PSD3: variants seen among roughly 807,000 people sequenced by gnomAD.
PSD3 encodes the protein PH and SEC7 domain-containing protein 3.
A neutral mutation model predicts 105.5 loss-of-function variants in PSD3; 49 were observed. That is an observed-to-expected ratio of 0.46 (90% CI 0.37 to 0.59). PSD3 has a LOEUF of 0.59. Ranked by LOEUF, PSD3 falls within the 20% of genes least tolerant of loss-of-function variation. PSD3 has a pLI of 0.00. For synonymous variants in PSD3, 557 were observed against 457.8 expected, an observed-to-expected ratio of 1.22 and a Z score of -2.77; for missense variants, 1,561 against 1,263.8, an observed-to-expected ratio of 1.24 and a Z score of -3.57.
At chr8:18,949,878 T>C (rs1177777659) in intron 1 of PSD3, among the ~76,000 whole-genome samples, 7 of 152,198 alleles carry the variant, frequency 4.6e-5, no homozygotes, top group African/African-American at 1.7e-4. Flanking sequence ...TTTTTCATCA[T>C]ATTTTAAATT....
At chr8:18,836,762 T>G (rs943992623) in intron 4 of PSD3, among the ~76,000 whole-genome samples, 3 of 152,108 alleles carry the variant, frequency 2.0e-5, no homozygotes, top group African/African-American at 7.2e-5. Flanking sequence ...TGACAATAAT[T>G]GTTTTTCTGC....
At chr8:18,849,078 G>A (rs1027949434) in intron 4 of PSD3, among the ~76,000 whole-genome samples, 3 of 152,092 alleles carry the variant, frequency 2.0e-5, no homozygotes, top group Non-Finnish European at 4.4e-5. Context: ...TGGCCATATC[G>A]CTGCCTCCAG....
At chr8:18,779,821 C>T (rs1376291710) in intron 8 of PSD3, among the ~76,000 whole-genome samples, 2 of 152,088 alleles carry the variant, frequency 1.3e-5, no homozygotes, top group East Asian at 1.9e-4. Flanking sequence ...TTTTTTTAAT[C>T]GTTGAGACTA....
chr8:18,805,786 T>C (rs1237281911), intron 4 of PSD3, among the ~76,000 whole-genome samples: 1 of 152,170 alleles, frequency 6.6e-6, no homozygotes, highest in Non-Finnish European at 1.5e-5. Flanking sequence ...TGCCAAACCT[T>C]TGCGGGCAGA....
intron 9 of PSD3, among the ~76,000 whole-genome samples, chr8:18,723,766 A>T (rs1014014417): frequency 6.6e-6 from 1 of 152,272 alleles, no homozygotes; most frequent in African/African-American, 2.4e-5. Context: ...AGCCAAGTAC[A>T]TAAAAATAAA....
chr8:18,871,795 T>C lies in PSD3; in HGVS notation c.1069A>G (p.Thr357Ala). Residue 357 changes from threonine (T) to alanine (A), a missense_variant, in exon 3 of 16, where the codon ACT (threonine) becomes GCT (alanine). Physicochemically the swap from Thr to Ala is moderately conservative, Grantham distance 58. Coordinates refer to ENST00000327040, the MANE Select transcript of PSD3 (RefSeq NM_015310.4). ...CAGGATTCATCCCAAACATTCTCAGTTAAACTACTTGAATTACACAAACCA... is the reference window on the plus strand; with the variant it reads ...CAGGATTCATCCCAAACATTCTCAGCTAAACTACTTGAATTACACAAACCA... ...SAGLCNSSSL[T>A]ENVWDESWKA... is the part of the protein sequence containing the mutation. 6.2e-7 allele frequency: 1 copy of C among 1,614,158 alleles called. No individual in the cohort carries two copies. The highest frequency in any genetic ancestry group is 8.5e-7 in the Non-Finnish European group (1 of 1,180,012).
chr8:18,913,606 G>A (rs749921147), intron 2 of PSD3, among the ~76,000 whole-genome samples: 35 of 151,854 alleles, frequency 2.3e-4, no homozygotes, highest in Non-Finnish European at 4.6e-4. Flanking sequence ...CACACAAGCT[G>A]CCACGAACCC....
intron 15 of PSD3, among the ~76,000 whole-genome samples, chr8:18,550,791 C>T (rs567316086): frequency 6.6e-5 from 10 of 151,912 alleles, no homozygotes; most frequent in African/African-American, 9.7e-5. Context: ...TAGTATCCCA[C>T]GAAAAAAAGA....
At chr8:18,956,924 T>A (rs1439197132) in intron 1 of PSD3, among the ~76,000 whole-genome samples, 1 of 152,122 alleles carries the variant, frequency 6.6e-6, no homozygotes, top group Non-Finnish European at 1.5e-5. Context: ...GGACTCCAGT[T>A]GGGGATCCTG....
At chr8:19,006,294 CAAAAAAAAAAAA>C (rs58023537) in intron 1 of PSD3, among the ~76,000 whole-genome samples, 8 of 80,826 alleles carry the variant, frequency 9.9e-5, no homozygotes, top group Admixed American at 3.0e-4. Flanking sequence ...AACTCCATCT[CAAAAAAAAAAAA>C]AAAAAAAGAA....
intron 1 of PSD3, among the ~76,000 whole-genome samples, chr8:18,957,808 C>T (rs561306453): frequency 6.6e-6 from 1 of 152,130 alleles, no homozygotes; most frequent in Non-Finnish European, 1.5e-5. Context: ...AATGAATGCA[C>T]TTGTGGGTGG....
chr8:19,044,602 T>C (rs935688452), intron 1 of PSD3, among the ~76,000 whole-genome samples: 17 of 152,232 alleles, frequency 1.1e-4, no homozygotes, highest in African/African-American at 3.4e-4. Flanking sequence ...AGTCATTCCA[T>C]AGTCCTTAAT....
chr8:19,000,464 ACT>A (rs1826313959), intron 1 of PSD3: 1 of 151,394 alleles, frequency 6.6e-6, no homozygotes, highest in Non-Finnish European at 1.5e-5. Flanking sequence ...GATCTCTGAG[ACT>A]GCTACATCAC....
At chr8:18,738,220 G>A (rs919048619) in intron 9 of PSD3, among the ~76,000 whole-genome samples, 34 of 152,100 alleles carry the variant, frequency 2.2e-4, no homozygotes, top group African/African-American at 8.2e-4. Context: ...TCAAATTAGA[G>A]GCCTCCTGGC....
intron 8 of PSD3, among the ~76,000 whole-genome samples, chr8:18,773,633 T>C (rs996860457): frequency 3.9e-5 from 6 of 152,178 alleles, no homozygotes; most frequent in Non-Finnish European, 8.8e-5. Flanking sequence ...TTTATTTGCA[T>C]CTTATTATTC....
chr8:18,547,842 G>T (rs1437038253), intron 15 of PSD3, among the ~76,000 whole-genome samples: 3 of 152,124 alleles, frequency 2.0e-5, no homozygotes, highest in African/African-American at 7.2e-5. Context: ...TCTTTCTCTA[G>T]ATTTGGGAAG....
chr8:18,987,936 C>G (rs894809787), intron 1 of PSD3, among the ~76,000 whole-genome samples: 2 of 152,132 alleles, frequency 1.3e-5, no homozygotes, highest in Non-Finnish European at 2.9e-5. Context: ...GTTTTTCATT[C>G]TTTCAACAAA....
At position 18,602,873 on chromosome 8, in the gene PSD3, G is replaced by T. The variant is rs79226237; in HGVS notation, c.2411-2439C>A. The stretch of plus-strand genomic sequence containing the variant: ...TGGATGCTAATGAATGACAAGCACT[G>T]GTCCTCATCATGAGGACTGTAGAAG... On this transcript the variant is annotated intron_variant, in intron 11 of 15. Coordinates refer to ENST00000327040, the MANE Select transcript of PSD3 (RefSeq NM_015310.4). Among the ~76,000 whole-genome samples, 659 of 152,234 alleles carry T rather than the reference G, an allele frequency of 4.3e-3. 4 individuals are homozygous for T. Among genetic ancestry groups the T allele is most frequent in the African/African-American group, 0.015 (620 of 41,536 alleles).
intron 9 of PSD3, among the ~76,000 whole-genome samples, chr8:18,711,810 G>C (rs1045790773): frequency 6.6e-6 from 1 of 152,136 alleles, no homozygotes; most frequent in African/African-American, 2.4e-5. Flanking sequence ...CTTCCACCCC[G>C]AAACAACAGA....
Sources: allele counts gnomAD v4.1 joint callset (sites outside exome capture counted in the v4.1 genomes callset), GRCh38; gene constraint gnomAD v4.1.1; transcripts MANE v1.5; gene names NCBI Gene and HGNC (gene_info 2026-07-23, HGNC 2026-07-21).